MAOA: variants seen among roughly 807,000 people sequenced by gnomAD.
MAOA encodes amine oxidase [flavin-containing] A.
In MAOA, 6 loss-of-function variants were observed where a neutral mutation model predicts 42.0. The ratio of observed to expected loss-of-function variants is 0.14; its 90% CI spans 0.08 to 0.28. The LOEUF is 0.28. Among genes scored for constraint, MAOA ranks in the 10% least tolerant of loss-of-function variants. MAOA has a pLI of 1.00. For missense variants in MAOA, 262 were observed against 422.3 expected (o/e 0.62, Z 3.33); for synonymous variants, 140 against 154.0 (o/e 0.91, Z 0.67).
Position 43,707,337 on chromosome X carries a change from G to C in MAOA, c.307-4535G>C, listed in dbSNP as rs1447136750. The stretch of plus-strand genomic sequence containing the variant: ...CATATCTGGCTAAAAGGAGCTCATT[G>C]GTGACCATAGAGAAAAGGGCATCCA... On this transcript the variant is annotated intron_variant, in intron 3 of 14. Transcript: ENST00000338702. Among the ~76,000 whole-genome samples the C allele has an allele frequency of 7.2e-5, 8 of 111,484 alleles. No homozygotes were observed. In the East Asian group the frequency reaches 2.3e-3, roughly 31 times the overall value.
At chrX:43,705,255 C>T (rs765538260) in intron 3 of MAOA, among the ~76,000 whole-genome samples, 1 of 112,415 alleles carries the variant, frequency 8.9e-6, no homozygotes, top group Non-Finnish European at 1.9e-5. Context: ...ACAATGTGTA[C>T]TTCTATAAGG....
rs148377725 is a variant in MAOA at position 43,745,047 on chromosome X, G to A, written c.*534G>A. The A allele has an allele frequency of 7.2e-6, 1 of 139,574 alleles. No homozygotes were observed. Among genetic ancestry groups the A allele is most frequent in the Non-Finnish European group, 1.4e-5 (1 of 69,422 alleles). 11.5% of individuals were successfully genotyped at this position (139,574 alleles called of 1,213,427 possible). ...ATAGTAAAGGAAAGCAGTGTTGGGG[G>A]TAGCGGCATGCAGACCCTCAGACCA... On this transcript the variant is annotated 3_prime_UTR_variant, in exon 15 of 15. Coordinates refer to ENST00000338702, the MANE Select transcript of MAOA (RefSeq NM_000240.4).
At chrX:43,710,564 A>G (rs754989543) in intron 3 of MAOA, among the ~76,000 whole-genome samples, 3 of 112,637 alleles carry the variant, frequency 2.7e-5, no homozygotes, top group East Asian at 5.6e-4. Context: ...GTTTTAATTA[A>G]AAAAATCAAA....
At chrX:43,673,352 A>G (rs1178622205) in intron 1 of MAOA, among the ~76,000 whole-genome samples, 1 of 109,414 alleles carries the variant, frequency 9.1e-6, no homozygotes, top group African/African-American at 3.3e-5. Context: ...TAGCCTTGCT[A>G]GCGGTCTGTC....
Position 43,746,714 on chromosome X carries a change from T to G in MAOA, c.*2201T>G, listed in dbSNP as rs996373368. ...GTTCCATGTCTGAAGTTTGCCCCAG[T>G]GCTACACGTTGGAGTATACCTATGT... On this transcript the variant is annotated 3_prime_UTR_variant, in exon 15 of 15. Coordinates refer to ENST00000338702, the MANE Select transcript of MAOA (RefSeq NM_000240.4). 2 of 112,179 alleles carry G rather than the reference T, an allele frequency of 1.8e-5. No individual in the cohort carries two copies. Among genetic ancestry groups the G allele is most frequent in the Non-Finnish European group, 3.7e-5 (2 of 53,340 alleles). 9.2% of individuals were successfully genotyped at this position (112,179 alleles called of 1,213,427 possible).
At chrX:43,666,928 G>A (rs2033284364) in intron 1 of MAOA, among the ~76,000 whole-genome samples, 1 of 104,560 alleles carries the variant, frequency 9.6e-6, no homozygotes, top group Non-Finnish European at 1.9e-5. Flanking sequence ...TCACTCATAG[G>A]TGGGAATTGA....
intron 3 of MAOA, among the ~76,000 whole-genome samples, chrX:43,698,539 C>T (rs745420037): frequency 8.9e-6 from 1 of 112,129 alleles, no homozygotes; most frequent in Non-Finnish European, 1.9e-5. Context: ...TAAGTATTTA[C>T]AGAGCAAAAT....
At chrX:43,671,956 GTAGTTTT>G (rs1288650648) in intron 1 of MAOA, among the ~76,000 whole-genome samples, 3 of 110,555 alleles carry the variant, frequency 2.7e-5, no homozygotes, top group Non-Finnish European at 5.7e-5. Flanking sequence ...GAAGTTTAAA[GTAGTTTT>G]TTCCAATTAT....
intron 10 of MAOA, among the ~76,000 whole-genome samples, chrX:43,737,811 C>T (rs1017737775): frequency 2.7e-5 from 3 of 111,525 alleles, no homozygotes; most frequent in Non-Finnish European, 5.7e-5. Context: ...TCTGGAGTAG[C>T]ATATAGCGCA....
intron 5 of MAOA, among the ~76,000 whole-genome samples, chrX:43,724,004 C>T (rs977259985): frequency 9.0e-6 from 1 of 110,669 alleles, no homozygotes; most frequent in Admixed American, 9.6e-5. Flanking sequence ...ATATGTTGAA[C>T]CAGCCTTGCA....
At position 43,744,091 on chromosome X, in the gene MAOA, A is replaced by G. The variant is rs374220310; in HGVS notation, c.1375-18A>G. 1.2e-5 allele frequency: 14 copies of G among 1,203,507 alleles called. No homozygotes were observed. In the African/African-American group the frequency reaches 1.8e-4, roughly 15 times the overall value. The stretch of plus-strand genomic sequence containing the variant: ...CTATACAGCCTCTTTTCATAATACC[A>G]TGGTGACTTTCTTTCAGGTCTTAAA... On this transcript the variant is annotated intron_variant, in intron 13 of 14. Transcript: ENST00000338702.
In MAOA at chrX:43,673,854, C is replaced by T. The variant is rs1252994772; in HGVS notation, c.74-9659C>T. Among the ~76,000 whole-genome samples the T allele has an allele frequency of 2.7e-5, 3 of 111,597 alleles. No homozygotes were observed. In the Admixed American group the frequency reaches 2.9e-4, roughly 11 times the overall value. ...ATTCTTTTACATTTGCTGAGGAGAG[C>T]TTTACTTCCAACTATGTGGTCAATT... is the stretch of plus-strand genomic sequence containing the variant. On this transcript the variant is annotated intron_variant, in intron 1 of 14. Transcript: ENST00000338702.
In MAOA at chrX:43,743,994, C is replaced by T. The variant is rs1185993012; in HGVS notation, c.1374+89C>T. ...TGCTAGTTCTTGACACTGATAGAAT[C>T]TGTATGTCCATTTCTCTGCCCCTCA... is the stretch of plus-strand genomic sequence containing the variant. On this transcript the variant is annotated intron_variant, in intron 13 of 14. Coordinates refer to ENST00000338702, the MANE Select transcript of MAOA (RefSeq NM_000240.4). The T allele has an allele frequency of 4.2e-6, 5 of 1,179,294 alleles. No individual in the cohort carries two copies. The African/African-American group carries it at 7.1e-5, about 17-fold the overall frequency.
chrX:43,734,132 C>CTTTTTTTTTTTTTTTTTTTTTTT (rs745875170), intron 9 of MAOA, among the ~76,000 whole-genome samples: 1 of 62,434 alleles, frequency 1.6e-5, no homozygotes, highest in African/African-American at 5.3e-5. Context: ...TTTGGGCTTT[C>CTTTTTTTTTTTTTTTTTTTTTTT]TTTTTTTTTT....
intron 1 of MAOA, among the ~76,000 whole-genome samples, chrX:43,677,212 A>C (rs1158086739): frequency 8.9e-6 from 1 of 111,953 alleles, no homozygotes; most frequent in Non-Finnish European, 1.9e-5. Flanking sequence ...TTTCCTCAAA[A>C]GCTTCATTGC....
chrX:43,667,535 G>A (rs1030895084), intron 1 of MAOA, among the ~76,000 whole-genome samples: 14 of 111,724 alleles, frequency 1.3e-4, no homozygotes, highest in African/African-American at 4.2e-4. Flanking sequence ...TGCCTTAGAT[G>A]CTTCTCATGA....
At chrX:43,684,874 C>CTTTTTTTTTTTTTTTTTTTTT (rs201207592) in intron 2 of MAOA, among the ~76,000 whole-genome samples, 6 of 59,638 alleles carry the variant, frequency 1.0e-4, no homozygotes, top group African/African-American at 2.3e-4. Context: ...CTTTTCTTTT[C>CTTTTTTTTTTTTTTTTTTTTT]TTTTTTTTTT....
intron 3 of MAOA, among the ~76,000 whole-genome samples, chrX:43,699,938 A>T (rs1274176196): frequency 8.9e-6 from 1 of 112,207 alleles, no homozygotes; most frequent in African/African-American, 3.2e-5. Context: ...TTCTTTTAGT[A>T]CCTTGTCCAT....
chrX:43,711,343 C>A (rs2033698292), intron 3 of MAOA, among the ~76,000 whole-genome samples: 1 of 112,150 alleles, frequency 8.9e-6, no homozygotes. Context: ...TGCTAATAAT[C>A]TGATTCTTTA....
Sources: allele counts gnomAD v4.1 joint callset (sites outside exome capture counted in the v4.1 genomes callset), GRCh38; gene constraint gnomAD v4.1.1; transcripts MANE v1.5; gene names NCBI Gene and HGNC (gene_info 2026-07-23, HGNC 2026-07-21).